DCBLD1: variants seen among roughly 807,000 people sequenced by gnomAD.
DCBLD1 encodes discoidin, CUB and LCCL domain-containing protein 1.
Under a neutral mutation model 71.5 loss-of-function variants are expected in DCBLD1, and 57 were observed. That is an observed-to-expected ratio of 0.80 (90% CI 0.64 to 0.99). The LOEUF (loss-of-function observed/expected upper bound fraction) is 0.99, where lower values mean the gene tolerates loss of function less well. Among genes scored for constraint, DCBLD1 ranks in the 50% least tolerant of loss-of-function variants. The probability of loss-of-function intolerance (pLI) is 0.00; values close to 1 mark genes in which losing one functional copy is unlikely to be tolerated. For missense variants in DCBLD1, 891 were observed against 923.5 expected (o/e 0.96, Z 0.46); for synonymous variants, 380 against 363.8 (o/e 1.04, Z -0.51).
Position 117,548,306 on chromosome 6 carries a change from G to C in DCBLD1, c.2015G>C (p.Ser672Thr). Residue 672 changes from serine to threonine, a missense_variant, in exon 15 of 15, where the codon AGC becomes ACC. Physicochemically the swap from Ser to Thr is moderately conservative, Grantham distance 58. Transcript: ENST00000338728. The part of the protein sequence containing the change: ...DRGYDRPKAV[S>T]ALATESGHPD... ...GGCTACGACCGGCCCAAAGCTGTCA[G>C]CGCCCTCGCCACCGAAAGCGGGCAC... 5 of 1,550,654 alleles carry C rather than the reference G, an allele frequency of 3.2e-6. No individual in the cohort carries two copies. The highest frequency in any genetic ancestry group is 4.4e-6 in the Non-Finnish European group (5 of 1,146,984).
At chr6:117,515,727 AT>A (rs1205764027) in intron 2 of DCBLD1, among the ~76,000 whole-genome samples, 1 of 152,082 alleles carries the variant, frequency 6.6e-6, no homozygotes, top group Non-Finnish European at 1.5e-5. Flanking sequence ...CATTACAGAA[AT>A]TTTTTTCTTG....
At chr6:117,495,323 A>C (rs538885255) in intron 1 of DCBLD1, among the ~76,000 whole-genome samples, 27 of 152,328 alleles carry the variant, frequency 1.8e-4, no homozygotes, top group African/African-American at 6.3e-4. Flanking sequence ...ATTTGGACAA[A>C]GTCAGCTAAT....
Position 117,548,366 on chromosome 6 carries a change from C to G in DCBLD1, c.2075C>G (p.Thr692Arg), listed in dbSNP as rs532430975. ...CAGAAGCCCCCAACGCATCCCGGGACGAGTGACAGCTATTCTGCCCCCAGA... is the reference window on the plus strand; with the variant it reads ...CAGAAGCCCCCAACGCATCCCGGGAGGAGTGACAGCTATTCTGCCCCCAGA... The part of the protein sequence containing the change: ...DSQKPPTHPG[T>R]SDSYSAPRDC... The change falls in exon 15 of 15, where the codon ACG becomes AGG. Residue 692 changes from threonine to arginine, a missense_variant. Transcript: ENST00000338728. 107 of 1,550,684 alleles carry G rather than the reference C, an allele frequency of 6.9e-5. No homozygotes were observed. In the African/African-American group the frequency reaches 1.3e-3, roughly 19 times the overall value.
intron 14 of DCBLD1, chr6:117,567,140 A>G (rs1779714819): frequency 1.5e-6 from 1 of 672,570 alleles, no homozygotes. Flanking sequence ...GATCTAAGAG[A>G]TAGCTGATTT....
intron 2 of DCBLD1, among the ~76,000 whole-genome samples, chr6:117,510,097 ATTG>A (rs2114450946): frequency 6.6e-6 from 1 of 152,212 alleles, no homozygotes; most frequent in South Asian, 2.1e-4. Flanking sequence ...TAGTTCAAAA[ATTG>A]TTAATTGTGC....
intron 4 of DCBLD1, among the ~76,000 whole-genome samples, chr6:117,524,201 T>A (rs1778473185): frequency 7.2e-6 from 1 of 139,022 alleles, no homozygotes; most frequent in Non-Finnish European, 1.5e-5. Flanking sequence ...TGAATCCTAA[T>A]TTTTTTTTTT....
intron 2 of DCBLD1, among the ~76,000 whole-genome samples, chr6:117,518,258 T>C (rs1422215217): frequency 2.0e-5 from 3 of 152,336 alleles, no homozygotes; most frequent in African/African-American, 7.2e-5. Flanking sequence ...AAGAGTCACC[T>C]TTGCTCCAGT....
At chr6:117,528,729 T>G (rs1251384754) in intron 5 of DCBLD1, among the ~76,000 whole-genome samples, 1 of 152,226 alleles carries the variant, frequency 6.6e-6, no homozygotes, top group African/African-American at 2.4e-5. Flanking sequence ...TTATTACATT[T>G]ACATTATTCT....
chr6:117,569,747 C>T, exon 15 of DCBLD1: 1 of 1,568,246 alleles, frequency 6.4e-7, no homozygotes, highest in African/African-American at 1.4e-5. Flanking sequence ...CTAACAACAA[C>T]AAAGGGCAGT....
intron 1 of DCBLD1, among the ~76,000 whole-genome samples, chr6:117,501,776 T>G (rs1463832070): frequency 1.3e-5 from 2 of 152,244 alleles, no homozygotes; most frequent in Non-Finnish European, 2.9e-5. Flanking sequence ...CATTTTCATT[T>G]AATTCTTGGC....
chr6:117,532,116 G>T, intron 5 of DCBLD1, 144 bp from the exon 6 acceptor site: 3 of 1,171,736 alleles, frequency 2.6e-6, no homozygotes, highest in South Asian at 1.8e-5. Flanking sequence ...AGTGAGGGAG[G>T]TGACAACTCC....
rs776878969 is a variant in DCBLD1 at position 117,521,514 on chromosome 6, A to G, written c.461-11A>G. ...CATTCTATTAATTGCAATTATCTTTATTTATGACAGATTTAATAACATGTT... is the reference window on the plus strand; with the variant it reads ...CATTCTATTAATTGCAATTATCTTTGTTTATGACAGATTTAATAACATGTT... On this transcript the variant is annotated splice_polypyrimidine_tract_variant and intron_variant, in intron 3 of 14. Coordinates refer to ENST00000338728, the MANE Select transcript of DCBLD1 (RefSeq NM_001366458.2). 6.4e-7 allele frequency: 1 copy of G among 1,571,862 alleles called. No individual in the cohort carries two copies. The highest frequency in any genetic ancestry group is 2.3e-5 in the East Asian group (1 of 43,316).
In DCBLD1 at chr6:117,519,881, C is replaced by A. The variant is rs760859500; in HGVS notation, c.391C>A (p.Arg131Ser). Residue 131 changes from arginine (R) to serine (S), a missense_variant, in exon 3 of 15, where the codon CGC becomes AGC. Arg to Ser is a moderately radical substitution (Grantham distance 110). Transcript: ENST00000338728. The part of the protein sequence containing the change: ...LLLNTSEVTV[R>S]FESGSHISGR... ...GTTGAACACAAGTGAAGTAACCGTC[C>A]GCTTTGAGAGTGGATCCCACATTTC... 6.2e-7 allele frequency: 1 copy of A among 1,614,078 alleles called. No individual in the cohort carries two copies. Among genetic ancestry groups the A allele is most frequent in the South Asian group, 1.1e-5 (1 of 91,074 alleles).
chr6:117,546,295 A>G (rs2114570861), intron 14 of DCBLD1, among the ~76,000 whole-genome samples: 1 of 152,320 alleles, frequency 6.6e-6, no homozygotes, highest in East Asian at 1.9e-4. Context: ...AACAGCTCTC[A>G]GATACATAGG....
intron 7 of DCBLD1, among the ~76,000 whole-genome samples, chr6:117,537,943 C>T (rs1195003578): frequency 1.1e-4 from 17 of 151,942 alleles, no homozygotes; most frequent in Admixed American, 1.1e-3. Context: ...AAAAAGCTTT[C>T]AAATATTGCA....
At chr6:117,566,001 TA>T (rs971966557) in intron 14 of DCBLD1, among the ~76,000 whole-genome samples, 3 of 152,188 alleles carry the variant, frequency 2.0e-5, no homozygotes, top group Non-Finnish European at 2.9e-5. Context: ...GGTCAATATT[TA>T]AAAATTAACT....
At chr6:117,517,504 T>C (rs1582997850) in intron 2 of DCBLD1, among the ~76,000 whole-genome samples, 1 of 152,208 alleles carries the variant, frequency 6.6e-6, no homozygotes, top group African/African-American at 2.4e-5. Flanking sequence ...CACTGGATGG[T>C]ACCCCAGTAG....
At chr6:117,563,280 T>G in intron 14 of DCBLD1, 1 of 1,613,100 alleles carries the variant, frequency 6.2e-7, no homozygotes, top group Non-Finnish European at 8.5e-7. Flanking sequence ...TGATACAGAG[T>G]GTGCAGATCA....
intron 1 of DCBLD1, among the ~76,000 whole-genome samples, chr6:117,487,612 A>G (rs902608554): frequency 6.6e-6 from 1 of 152,208 alleles, no homozygotes; most frequent in Non-Finnish European, 1.5e-5. Context: ...CAACAGAGCA[A>G]GACCCAGTCT....
Sources: gnomAD v4.1 joint callset for allele counts (sites outside exome capture counted in the v4.1 genomes callset) on GRCh38, gnomAD v4.1.1 for gene constraint, MANE v1.5 for transcripts, NCBI Gene and HGNC (gene_info 2026-07-23, HGNC 2026-07-21) for gene names.